The following MAML2 variants were observed in gnomAD, a reference collection of about 807,000 sequenced individuals.
The protein encoded by MAML2 is mastermind like transcriptional coactivator 2.
In MAML2, 22 loss-of-function variants were observed where a neutral mutation model predicts 96.1. That is an observed-to-expected ratio of 0.23 (90% CI 0.16 to 0.33). The LOEUF (loss-of-function observed/expected upper bound fraction) is 0.33, where lower values mean the gene tolerates loss of function less well. Ranked by LOEUF, MAML2 falls within the 10% of genes least tolerant of loss-of-function variation. The pLI, the probability that MAML2 is intolerant of heterozygous loss-of-function variation, is 1.00. For missense variants in MAML2, 1,367 were observed against 1,392.4 expected, an observed-to-expected ratio of 0.98 and a Z score of 0.29; for synonymous variants, 561 against 521.3, an observed-to-expected ratio of 1.08 and a Z score of -1.04.
At chr11:96,217,073 C>T (rs749196337) in intron 1 of MAML2, among the ~76,000 whole-genome samples, 2 of 152,148 alleles carry the variant, frequency 1.3e-5, no homozygotes, top group Admixed American at 1.3e-4. Flanking sequence ...CCAATATGTT[C>T]GAATTCAGTG....
chr11:96,085,821 T>G (rs1192774300), intron 2 of MAML2, among the ~76,000 whole-genome samples: 2 of 152,222 alleles, frequency 1.3e-5, no homozygotes, highest in African/African-American at 4.8e-5. Context: ...GTTCTTCTTG[T>G]TATTGTGTTC....
chr11:96,129,062 A>G (rs1860499780), intron 1 of MAML2, among the ~76,000 whole-genome samples: 1 of 152,186 alleles, frequency 6.6e-6, no homozygotes, highest in African/African-American at 2.4e-5. Flanking sequence ...AGCCATCTAC[A>G]TGGCACAAAT....
chr11:96,266,196 C>T (rs942587019), intron 1 of MAML2, among the ~76,000 whole-genome samples: 4 of 152,090 alleles, frequency 2.6e-5, no homozygotes, highest in Non-Finnish European at 5.9e-5. Flanking sequence ...GTACACCCTG[C>T]GAGGGGGACA....
At chr11:96,306,385 C>T (rs1216909226) in intron 1 of MAML2, among the ~76,000 whole-genome samples, 1 of 152,158 alleles carries the variant, frequency 6.6e-6, no homozygotes, top group African/African-American at 2.4e-5. Flanking sequence ...TGGCATCTCC[C>T]TAAAGAATTA....
intron 1 of MAML2, among the ~76,000 whole-genome samples, chr11:96,323,127 T>C (rs950844735): frequency 4.7e-5 from 7 of 147,592 alleles, no homozygotes; most frequent in Middle Eastern, 3.3e-3. Context: ...AAAAAAGCAC[T>C]CTCCAAGAGA....
At chr11:96,002,606 G>C (rs1858098957) in intron 2 of MAML2, among the ~76,000 whole-genome samples, 1 of 151,046 alleles carries the variant, frequency 6.6e-6, no homozygotes, top group Non-Finnish European at 1.5e-5. Flanking sequence ...AGGATGATGG[G>C]GATGAGGAGG....
At chr11:96,059,575 G>C (rs1422055317) in intron 2 of MAML2, among the ~76,000 whole-genome samples, 3 of 152,146 alleles carry the variant, frequency 2.0e-5, no homozygotes, top group Non-Finnish European at 4.4e-5. Context: ...AAATACTAGG[G>C]ACCAGAGGTG....
At chr11:96,152,577 A>G (rs1860941172) in intron 1 of MAML2, among the ~76,000 whole-genome samples, 1 of 152,088 alleles carries the variant, frequency 6.6e-6, no homozygotes, top group Non-Finnish European at 1.5e-5. Flanking sequence ...CCCTTTGATC[A>G]TTTTCTTCAG....
chr11:96,159,715 C>T (rs573597956), intron 1 of MAML2, among the ~76,000 whole-genome samples: 2 of 152,242 alleles, frequency 1.3e-5, no homozygotes, highest in South Asian at 2.1e-4. Context: ...TGAGCGACCG[C>T]GCCCGGCCTA....
chr11:96,140,883 A>G (rs996963078), intron 1 of MAML2, among the ~76,000 whole-genome samples: 2 of 152,226 alleles, frequency 1.3e-5, no homozygotes, highest in Non-Finnish European at 2.9e-5. Flanking sequence ...AGGGACACAC[A>G]GGAACATCAC....
intron 1 of MAML2, among the ~76,000 whole-genome samples, chr11:96,151,735 C>G (rs1425732153): frequency 1.3e-5 from 2 of 152,178 alleles, no homozygotes; most frequent in African/African-American, 4.8e-5. Context: ...ATAAAACTCC[C>G]CTGAGGCCTC....
chr11:96,154,544 A>G (rs928441081), intron 1 of MAML2, among the ~76,000 whole-genome samples: 16 of 152,234 alleles, frequency 1.1e-4, no homozygotes, highest in Non-Finnish European at 8.8e-5. Flanking sequence ...TTGTAAATGA[A>G]TACTTAGAAT....
At chr11:96,058,232 G>A (rs1859099638) in intron 2 of MAML2, among the ~76,000 whole-genome samples, 1 of 152,224 alleles carries the variant, frequency 6.6e-6, no homozygotes, top group African/African-American at 2.4e-5. Flanking sequence ...CAGCCTGATT[G>A]GAGCCTTTCA....
intron 1 of MAML2, among the ~76,000 whole-genome samples, chr11:96,308,511 C>A (rs1033452953): frequency 9.2e-5 from 14 of 152,128 alleles, no homozygotes; most frequent in African/African-American, 2.7e-4. Context: ...TCTTTATTAT[C>A]CAATCATTTC....
chr11:96,329,284 T>C (rs975273756), intron 1 of MAML2, among the ~76,000 whole-genome samples: 1 of 152,168 alleles, frequency 6.6e-6, no homozygotes, highest in Non-Finnish European at 1.5e-5. Flanking sequence ...CCTCAGAATA[T>C]GGCCAGAGAT....
At chr11:96,175,004 G>A (rs553788640) in intron 1 of MAML2, among the ~76,000 whole-genome samples, 45 of 152,214 alleles carry the variant, frequency 3.0e-4, no homozygotes, top group Non-Finnish European at 4.6e-4. Context: ...AACATGGTGC[G>A]AAGCAGCTCC....
chr11:96,132,996 TA>T (rs1179764006), intron 1 of MAML2, among the ~76,000 whole-genome samples: 1 of 152,208 alleles, frequency 6.6e-6, no homozygotes, highest in African/African-American at 2.4e-5. Flanking sequence ...GAGTAAAAAT[TA>T]AAATATGTCT....
chr11:96,181,928 T>C (rs997830014), intron 1 of MAML2, among the ~76,000 whole-genome samples: 1 of 152,254 alleles, frequency 6.6e-6, no homozygotes, highest in African/African-American at 2.4e-5. Context: ...TCTTCCCTTT[T>C]ATTGTAAATT....
intron 2 of MAML2, among the ~76,000 whole-genome samples, chr11:96,023,646 C>T (rs1438382637): frequency 6.6e-6 from 1 of 152,152 alleles, no homozygotes; most frequent in African/African-American, 2.4e-5. Context: ...AGGCAGACTC[C>T]ATGAGTTCTC....
Sources: gnomAD v4.1 joint callset for allele counts (sites outside exome capture counted in the v4.1 genomes callset) on GRCh38, gnomAD v4.1.1 for gene constraint, MANE v1.5 for transcripts, NCBI Gene and HGNC (gene_info 2026-07-23, HGNC 2026-07-21) for gene names.